Variants in NPLOC4 observed in about 807,000 individuals in gnomAD.
The protein encoded by NPLOC4 is NPL4 homolog, ubiquitin recognition factor, also known as nuclear protein localization protein 4 homolog.
NPLOC4 carries 18 observed loss-of-function variants against 80.6 expected under a neutral mutation model. The observed-to-expected ratio is 0.22, with a 90% CI of 0.15 to 0.33. The LOEUF (loss-of-function observed/expected upper bound fraction) is 0.33, where lower values mean the gene tolerates loss of function less well. NPLOC4 is among the 10% of genes least tolerant of loss of function. NPLOC4 has a pLI of 1.00. For missense variants in NPLOC4, 540 were observed against 786.1 expected (o/e 0.69, Z 3.74); for synonymous variants, 313 against 301.5 (o/e 1.04, Z -0.39).
intron 5 of NPLOC4, 43 bp from the exon 6 acceptor site, chr17:81,608,865 G>A (rs541977997): frequency 8.9e-6 from 13 of 1,464,522 alleles, no homozygotes; most frequent in East Asian, 4.9e-5. Context: ...CACACGTGCC[G>A]GTCACTCCAG....
At chr17:81,602,708 A>T (rs772979318) in intron 8 of NPLOC4, among the ~76,000 whole-genome samples, 52 of 101,706 alleles carry the variant, frequency 5.1e-4, no homozygotes, top group African/African-American at 1.5e-3. Context: ...TCTCAAAATT[A>T]AAAAAAAAAA....
At chr17:81,601,950 A>G (rs2035066537) in intron 8 of NPLOC4, among the ~76,000 whole-genome samples, 1 of 152,184 alleles carries the variant, frequency 6.6e-6, no homozygotes, top group Non-Finnish European at 1.5e-5. Context: ...CCTGCCTCCC[A>G]GGCAGGTTAT....
intron 2 of NPLOC4, among the ~76,000 whole-genome samples, chr17:81,623,437 C>T (rs2035717320): frequency 7.6e-6 from 1 of 131,418 alleles, no homozygotes; most frequent in Non-Finnish European, 1.5e-5. Flanking sequence ...TGCACTCCAG[C>T]CTGGGTGACA....
chr17:81,588,906 C>G (rs767714845), intron 12 of NPLOC4, 38 bp downstream of exon 12: 3 of 1,584,282 alleles, frequency 1.9e-6, no homozygotes, highest in Non-Finnish European at 2.6e-6. Context: ...TCACACCATT[C>G]TCCATGTACA....
intron 12 of NPLOC4, among the ~76,000 whole-genome samples, chr17:81,579,824 G>T (rs4078371): frequency 0.15 from 22,563 of 151,856 alleles, 2,024 homozygotes; most frequent in Admixed American, 0.23. Context: ...TGCTCTCCCT[G>T]GCAGTGAAAC....
At chr17:81,626,603 A>G (rs116762489) in intron 2 of NPLOC4, among the ~76,000 whole-genome samples, 1,994 of 152,236 alleles carry the variant, frequency 0.013, 63 homozygotes, top group African/African-American at 0.045. Context: ...TCCAGGAGAC[A>G]GAGTGGGGAG....
At chr17:81,562,033 A>C (rs1033684303) in intron 16 of NPLOC4, 20 of 152,276 alleles carry the variant, frequency 1.3e-4, no homozygotes, top group African/African-American at 4.6e-4. Context: ...CAGGAGTTCC[A>C]GACCAGCCTG....
chr17:81,607,604 G>A (rs2035240554), intron 6 of NPLOC4, among the ~76,000 whole-genome samples: 1 of 152,122 alleles, frequency 6.6e-6, no homozygotes, highest in South Asian at 2.1e-4. Flanking sequence ...CATCTAGGAA[G>A]CAAAGACTCG....
chr17:81,565,720 A>C (rs1288613148), intron 15 of NPLOC4, 113 bp from the exon 16 acceptor site: 5 of 777,774 alleles, frequency 6.4e-6, no homozygotes, highest in Non-Finnish European at 1.0e-5. Flanking sequence ...GGACATTTTA[A>C]AAATCTTACA....
At chr17:81,561,516 G>A (rs1335710845) in intron 16 of NPLOC4, among the ~76,000 whole-genome samples, 1 of 152,132 alleles carries the variant, frequency 6.6e-6, no homozygotes, top group South Asian at 2.1e-4. Context: ...TCTACCCCAA[G>A]GTCCTGCATC....
chr17:81,619,828 G>A (rs2035616968), intron 3 of NPLOC4, among the ~76,000 whole-genome samples: 1 of 151,322 alleles, frequency 6.6e-6, no homozygotes, highest in African/African-American at 2.4e-5. Context: ...GCAGTGAGCT[G>A]AGATTGCGCC....
At chr17:81,578,076 G>A (rs2034348304) in intron 12 of NPLOC4, among the ~76,000 whole-genome samples, 1 of 152,158 alleles carries the variant, frequency 6.6e-6, no homozygotes, top group Non-Finnish European at 1.5e-5. Context: ...TCCTGACTCA[G>A]GCTACTGGCA....
intron 12 of NPLOC4, among the ~76,000 whole-genome samples, chr17:81,574,574 T>C (rs2034242200): frequency 1.3e-5 from 2 of 152,216 alleles, no homozygotes; most frequent in Admixed American, 1.3e-4. Context: ...TCAGCAGCTT[T>C]ATCTCCACCT....
chr17:81,629,716 C>G lies in NPLOC4; in HGVS notation c.96+9G>C. On this transcript the variant is annotated intron_variant, in intron 2 of 16. Coordinates refer to ENST00000331134, the MANE Select transcript of NPLOC4 (RefSeq NM_017921.4). ...ATATCCTGAGGGTCAATACCCAGGC[C>G]ACAGATACCTTTTTCAAAAATGTTG... The G allele has an allele frequency of 6.2e-7, 1 of 1,605,626 alleles. No individual in the cohort carries two copies. The highest frequency in any genetic ancestry group is 2.2e-5 in the East Asian group (1 of 44,834).
At chr17:81,564,263 T>C (rs1317511206) in intron 16 of NPLOC4, 1 of 155,016 alleles carries the variant, frequency 6.5e-6, no homozygotes, top group African/African-American at 2.4e-5. Context: ...TAAGTTAAAA[T>C]TATTTTTAAA....
intron 8 of NPLOC4, among the ~76,000 whole-genome samples, chr17:81,602,980 T>C (rs1055985499): frequency 6.9e-6 from 1 of 144,940 alleles, no homozygotes; most frequent in South Asian, 2.2e-4. Context: ...TATACACAAA[T>C]ACACACACAC....
intron 1 of NPLOC4, among the ~76,000 whole-genome samples, chr17:81,634,124 G>A (rs567250251): frequency 2.4e-4 from 36 of 150,988 alleles, no homozygotes; most frequent in Admixed American, 5.3e-4. Context: ...CACCTGCCTC[G>A]GCCTTCCAAA....
At chr17:81,633,085 G>T (rs1437092381) in intron 1 of NPLOC4, among the ~76,000 whole-genome samples, 1 of 138,396 alleles carries the variant, frequency 7.2e-6, no homozygotes, top group Non-Finnish European at 1.5e-5. Context: ...AGCAGATCGC[G>T]CCACTGCACT....
intron 11 of NPLOC4, among the ~76,000 whole-genome samples, chr17:81,593,286 C>G (rs1426257990): frequency 6.6e-6 from 1 of 152,034 alleles, no homozygotes; most frequent in Non-Finnish European, 1.5e-5. Flanking sequence ...AGCTGCTGAG[C>G]CTCTCAGGAA....
Sources: allele counts gnomAD v4.1 joint callset (sites outside exome capture counted in the v4.1 genomes callset), GRCh38; gene constraint gnomAD v4.1.1; transcripts MANE v1.5; gene names NCBI Gene and HGNC (gene_info 2026-07-23, HGNC 2026-07-21).